PECR: variants seen among roughly 807,000 people sequenced by gnomAD.
The protein encoded by PECR is peroxisomal trans-2-enoyl-CoA reductase.
A neutral mutation model predicts 35.3 loss-of-function variants in PECR; 30 were observed. The observed-to-expected ratio is 0.85, with a 90% CI of 0.64 to 1.15. PECR has a LOEUF of 1.15. Ranked by LOEUF, PECR falls within the 50% of genes most tolerant of loss-of-function variation. PECR has a pLI of 0.00. For synonymous variants in PECR, 148 were observed against 138.9 expected (o/e 1.07, Z -0.46); for missense variants, 392 against 370.8 (o/e 1.06, Z -0.47).
intron 7 of PECR, among the ~76,000 whole-genome samples, chr2:216,041,539 G>A (rs546703517): frequency 6.6e-6 from 1 of 152,252 alleles, no homozygotes; most frequent in African/African-American, 2.4e-5. Context: ...CATATATTTG[G>A]TCTTCAACCC....
chr2:216,040,417 T>C (rs1694866621), intron 7 of PECR, among the ~76,000 whole-genome samples: 1 of 152,176 alleles, frequency 6.6e-6, no homozygotes, highest in African/African-American at 2.4e-5. Context: ...CATGCCAGGC[T>C]AATTTTTTAA....
At chr2:216,078,113 C>A (rs1306829914) in intron 1 of PECR, among the ~76,000 whole-genome samples, 4 of 150,968 alleles carry the variant, frequency 2.6e-5, no homozygotes, top group South Asian at 4.2e-4. Context: ...AAACCAAAAC[C>A]AAAAACAAAA....
At chr2:216,062,304 C>A in intron 3 of PECR, among the ~76,000 whole-genome samples, 1 of 152,110 alleles carries the variant, frequency 6.6e-6, no homozygotes, top group East Asian at 1.9e-4. Context: ...CCTCGGCCTT[C>A]CAAAGTGCTG....
In PECR at chr2:216,038,447, A is replaced by T. The variant is rs193294235; in HGVS notation, c.*828T>A. The T allele has an allele frequency of 6.6e-6, 1 of 152,364 alleles. No homozygotes were observed. Among genetic ancestry groups the T allele is most frequent in the East Asian group, 1.9e-4 (1 of 5,194 alleles). The allele number at this position is 152,364 out of a possible 1,614,324, so 9.4% of individuals were successfully genotyped here. On this transcript the variant is annotated 3_prime_UTR_variant, in exon 8 of 8. Transcript: ENST00000265322. ...AATTTATACAAATTTGACTTCATAA[A>T]CAAAAGAAACTATACATCAATAATT... is the stretch of plus-strand genomic sequence containing the variant.
chr2:216,059,723 C>T (rs965393746), intron 3 of PECR, among the ~76,000 whole-genome samples: 4 of 152,184 alleles, frequency 2.6e-5, no homozygotes, highest in African/African-American at 9.7e-5. Context: ...TGGTATCACA[C>T]TGGAGTTTTT....
intron 3 of PECR, among the ~76,000 whole-genome samples, chr2:216,062,106 C>T (rs999455021): frequency 1.1e-4 from 16 of 148,972 alleles, no homozygotes; most frequent in Admixed American, 9.4e-4. Context: ...AGCCTGGAGG[C>T]GCCATCCCAG....
chr2:216,043,650 T>C (rs542772844), intron 7 of PECR, among the ~76,000 whole-genome samples: 1 of 152,290 alleles, frequency 6.6e-6, no homozygotes, highest in East Asian at 1.9e-4. Context: ...ATACTGAGAA[T>C]ATTTTTCAGG....
At chr2:216,064,900 T>G (rs968266440) in intron 3 of PECR, among the ~76,000 whole-genome samples, 3 of 152,222 alleles carry the variant, frequency 2.0e-5, no homozygotes, top group African/African-American at 4.8e-5. Flanking sequence ...CCAAAGACTA[T>G]GTATGCATGC....
rs867081951 is a variant in PECR at position 216,079,529 on chromosome 2, G to A, written c.124+2089C>T. On this transcript the variant is annotated intron_variant, in intron 1 of 7. Coordinates refer to ENST00000265322, the MANE Select transcript of PECR (RefSeq NM_018441.6). Reference sequence around the variant, plus strand: ...ATTACAGGCACACGCCACCATGCCTGGCTAATTTTTGTATTCTTAGTAGAG... The same window carrying A: ...ATTACAGGCACACGCCACCATGCCTAGCTAATTTTTGTATTCTTAGTAGAG... 4.0e-5 allele frequency among the ~76,000 whole-genome samples: 6 copies of A among 151,462 alleles called. No homozygotes were observed. The South Asian group carries it at 1.2e-3, about 32-fold the overall frequency.
chr2:216,068,501 TCA>T (rs772066212), intron 1 of PECR, among the ~76,000 whole-genome samples: 88 of 152,066 alleles, frequency 5.8e-4, no homozygotes, highest in Non-Finnish European at 6.6e-4. Context: ...AAAGACTTTT[TCA>T]CACATATGAA....
At chr2:216,058,695 C>T (rs1357381437) in intron 4 of PECR, among the ~76,000 whole-genome samples, 200 bp downstream of exon 4, 1 of 151,514 alleles carries the variant, frequency 6.6e-6, no homozygotes, top group East Asian at 1.9e-4. Flanking sequence ...CTTGGTAAAT[C>T]TGGCAGTCCG....
At chr2:216,031,842 C>T (rs368577386) in intron 7 of PECR, among the ~76,000 whole-genome samples, 5 of 152,194 alleles carry the variant, frequency 3.3e-5, no homozygotes, top group African/African-American at 9.7e-5. Context: ...AGCTAAATCT[C>T]GCAGCAAGTC....
At chr2:216,077,562 C>T (rs1695736372) in intron 1 of PECR, among the ~76,000 whole-genome samples, 1 of 151,580 alleles carries the variant, frequency 6.6e-6, no homozygotes, top group Non-Finnish European at 1.5e-5. Context: ...AATCCCAGCA[C>T]TTTGGGAGGC....
chr2:216,066,449 T>C lies in PECR; in HGVS notation c.194A>G (p.Asn65Ser), dbSNP rs1695468011. 1 of 1,613,634 alleles carries C rather than the reference T, an allele frequency of 6.2e-7. No homozygotes were observed. The highest frequency in any genetic ancestry group is 8.5e-7 in the Non-Finnish European group (1 of 1,179,554). The change falls in exon 2 of 8, where the codon AAC becomes AGC. Residue 65 changes from asparagine to serine, a missense_variant. Coordinates refer to ENST00000265322, the MANE Select transcript of PECR (RefSeq NM_018441.6). ...LKSAADELQANLPPTKQARVI... is the reference protein window; with the variant it reads ...LKSAADELQASLPPTKQARVI... ...TCGTGCCTGCTTTGTGGGAGGTAGG[T>C]TGGCCTGCAGTTCATCTGCCGCAGA...
intron 7 of PECR, among the ~76,000 whole-genome samples, chr2:216,031,925 G>A (rs1175489866): frequency 2.0e-5 from 3 of 152,216 alleles, no homozygotes; most frequent in African/African-American, 4.8e-5. Flanking sequence ...CTACTTCTCC[G>A]TATTTTTGTA....
chr2:216,042,586 T>A (rs562639292), intron 7 of PECR, among the ~76,000 whole-genome samples: 31 of 152,176 alleles, frequency 2.0e-4, no homozygotes, highest in South Asian at 1.2e-3. Flanking sequence ...TTAGCTTAGA[T>A]AAACCTTTTA....
chr2:216,075,787 T>C (rs1258925383), intron 1 of PECR, among the ~76,000 whole-genome samples: 1 of 152,202 alleles, frequency 6.6e-6, no homozygotes, highest in Non-Finnish European at 1.5e-5. Context: ...ACCTTCTTGG[T>C]CCCTGGTGTT....
intron 1 of PECR, among the ~76,000 whole-genome samples, chr2:216,068,586 T>C (rs1483356975): frequency 6.6e-6 from 1 of 151,974 alleles, no homozygotes; most frequent in African/African-American, 2.4e-5. Flanking sequence ...AGAAGGAAAA[T>C]GATGCCAGAT....
Position 216,043,033 on chromosome 2 carries a change from GTA to G in PECR, c.826+869_826+870del, listed in dbSNP as rs1329843113. 5.0e-5 allele frequency among the ~76,000 whole-genome samples: 6 copies of G among 120,002 alleles called. No individual in the cohort carries two copies. In the East Asian group the frequency reaches 6.8e-4, roughly 14 times the overall value. 78.7% of individuals were successfully genotyped at this position (120,002 alleles called of 152,430 possible). The stretch of plus-strand genomic sequence containing the variant: ...TATATATATACACATACGTATATAT[GTA>G]TGTGTATATATATATACACATACGT... On this transcript the variant is annotated intron_variant, in intron 7 of 7. Coordinates refer to ENST00000265322, the MANE Select transcript of PECR (RefSeq NM_018441.6).
Sources: allele counts gnomAD v4.1 joint callset (sites outside exome capture counted in the v4.1 genomes callset), GRCh38; gene constraint gnomAD v4.1.1; transcripts MANE v1.5; gene names NCBI Gene and HGNC (gene_info 2026-07-23, HGNC 2026-07-21).